PCDHGB3: variants seen among roughly 807,000 people sequenced by gnomAD.
PCDHGB3 encodes the protein protocadherin gamma subfamily B, 3.
PCDHGB3 carries 40 observed loss-of-function variants against 59.2 expected under a neutral mutation model. That is an observed-to-expected ratio of 0.68 (90% CI 0.52 to 0.88). The LOEUF (loss-of-function observed/expected upper bound fraction) is 0.88, where lower values mean the gene tolerates loss of function less well. Among genes scored for constraint, PCDHGB3 ranks in the 40% least tolerant of loss-of-function variants. The pLI, the probability that PCDHGB3 is intolerant of heterozygous loss-of-function variation, is 0.00. For missense variants in PCDHGB3, 1,309 were observed against 1,187.9 expected (o/e 1.10, Z -1.50); for synonymous variants, 581 against 503.6 (o/e 1.15, Z -2.06).
At chr5:141,427,780 T>C (rs2097069858) in intron 1 of PCDHGB3, 1 of 1,456,004 alleles carries the variant, frequency 6.9e-7, no homozygotes. Flanking sequence ...CTGCGGGCAC[T>C]GTCGTCCTAC....
At chr5:141,380,058 C>T (rs1231461261) in intron 1 of PCDHGB3, among the ~76,000 whole-genome samples, 2 of 151,888 alleles carry the variant, frequency 1.3e-5, no homozygotes, top group Admixed American at 1.3e-4. Context: ...TGCCACCATG[C>T]CTAGCTAATT....
At chr5:141,482,356 G>T (rs1330274684) in intron 1 of PCDHGB3, among the ~76,000 whole-genome samples, 1 of 152,236 alleles carries the variant, frequency 6.6e-6, no homozygotes, top group East Asian at 1.9e-4. Flanking sequence ...TGTTGTGAGA[G>T]TGAAAAGTAA....
intron 1 of PCDHGB3, chr5:141,382,631 T>G: frequency 2.7e-6 from 1 of 365,186 alleles, no homozygotes; most frequent in South Asian, 9.0e-5. Flanking sequence ...TGTGCATCAA[T>G]GTGGTGCAGT....
At chr5:141,453,185 C>T (rs2098757478) in intron 1 of PCDHGB3, among the ~76,000 whole-genome samples, 1 of 152,146 alleles carries the variant, frequency 6.6e-6, no homozygotes, top group South Asian at 2.1e-4. Flanking sequence ...ACAATCACAG[C>T]TCACTGCAGC....
chr5:141,434,714 G>A (rs1333237898), intron 1 of PCDHGB3, among the ~76,000 whole-genome samples: 1 of 151,564 alleles, frequency 6.6e-6, no homozygotes, highest in Non-Finnish European at 1.5e-5. Context: ...GTAAATCTCT[G>A]TTCAGGGCTC....
intron 1 of PCDHGB3, chr5:141,410,715 G>A: frequency 1.4e-6 from 2 of 1,422,782 alleles, no homozygotes; most frequent in Non-Finnish European, 1.9e-6. Context: ...AGAATCATAT[G>A]TTTAAAATCC....
intron 1 of PCDHGB3, among the ~76,000 whole-genome samples, chr5:141,475,237 G>C (rs2099360785): frequency 6.6e-6 from 1 of 152,234 alleles, no homozygotes. Flanking sequence ...AAACGATAGA[G>C]AGAGTGTGCT....
Position 141,461,919 on chromosome 5 carries a change from G to T in PCDHGB3, c.2416-32888G>T, listed in dbSNP as rs10060711. On this transcript the variant is annotated intron_variant, in intron 1 of 3. Transcript: ENST00000576222. Reference sequence around the variant, plus strand: ...GCTCACTGCAACCTCTGCCTCCTGGGTTCCAGCAATTCTCCTGCCTCAACC... The same window carrying T: ...GCTCACTGCAACCTCTGCCTCCTGGTTTCCAGCAATTCTCCTGCCTCAACC... 5.4e-3 allele frequency among the ~76,000 whole-genome samples: 815 copies of T among 152,214 alleles called. 11 individuals are homozygous for T. Among genetic ancestry groups the T allele is most frequent in the African/African-American group, 0.019 (780 of 41,542 alleles).
chr5:141,474,551 C>G (rs1032524620), intron 1 of PCDHGB3, among the ~76,000 whole-genome samples: 35 of 152,312 alleles, frequency 2.3e-4, no homozygotes, highest in Non-Finnish European at 3.5e-4. Flanking sequence ...GCATTTAAAA[C>G]TGGGGGTTTT....
At chr5:141,398,149 C>T (rs761559295) in intron 1 of PCDHGB3, 29 of 1,497,086 alleles carry the variant, frequency 1.9e-5, no homozygotes, top group Non-Finnish European at 2.6e-5. Context: ...CGCCGGGGAG[C>T]TGGGCCGGGC....
intron 1 of PCDHGB3, chr5:141,413,354 C>T: frequency 6.2e-7 from 1 of 1,613,974 alleles, no homozygotes; most frequent in South Asian, 1.1e-5. Flanking sequence ...GGTCTGGCGC[C>T]CCGGGAGCTG....
At position 141,489,800 on chromosome 5, in the gene PCDHGB3, A is replaced by T. The variant is rs2099692478; in HGVS notation, c.2416-5007A>T. 1 of 1,614,166 alleles carries T rather than the reference A, an allele frequency of 6.2e-7. No homozygotes were observed. Among genetic ancestry groups the T allele is most frequent in the Non-Finnish European group, 8.5e-7 (1 of 1,179,994 alleles). On this transcript the variant is annotated intron_variant, in intron 1 of 3. Coordinates refer to ENST00000576222, the MANE Select transcript of PCDHGB3 (RefSeq NM_018924.5). This position sits in a 1 kb window ranked among gnomAD's most constrained non-coding sequence, Gnocchi z 4.5. ...TCTCTGAATGTGAAGACCCTAAAAG[A>T]TGGGAAGCCATTCCCAGAGCTGGTG...
At chr5:141,418,604 G>A in intron 1 of PCDHGB3, 2 of 1,614,040 alleles carry the variant, frequency 1.2e-6, no homozygotes, top group Non-Finnish European at 1.7e-6. Context: ...CGTGTACAGG[G>A]TTAGCCTTCG....
chr5:141,472,980 C>CAAAAAAAAAAAAAAAAAAAAA (rs60579131), intron 1 of PCDHGB3, among the ~76,000 whole-genome samples: 3 of 86,094 alleles, frequency 3.5e-5, no homozygotes, highest in Non-Finnish European at 5.0e-5. Context: ...GAGTGAAACT[C>CAAAAAAAAAAAAAAAAAAAAA]AAAAAAAAAA....
At chr5:141,417,882 G>A (rs1170069976) in intron 1 of PCDHGB3, 8 of 1,560,746 alleles carry the variant, frequency 5.1e-6, no homozygotes, top group African/African-American at 1.4e-5. Flanking sequence ...TGCGCGCAGA[G>A]GCGCCGGGCC....
chr5:141,508,904 T>C (rs1421450229), intron 3 of PCDHGB3, among the ~76,000 whole-genome samples: 2 of 151,336 alleles, frequency 1.3e-5, no homozygotes, highest in African/African-American at 4.9e-5. Context: ...GGCGGGGCGG[T>C]GGCGGATCTG....
intron 1 of PCDHGB3, among the ~76,000 whole-genome samples, chr5:141,492,781 T>C (rs945023154): frequency 9.9e-5 from 15 of 152,194 alleles, no homozygotes; most frequent in African/African-American, 3.6e-4. Flanking sequence ...TGAGTGAGCC[T>C]CTATAGGACA....
At chr5:141,389,896 C>T (rs1398944326) in intron 1 of PCDHGB3, 1 of 1,614,076 alleles carries the variant, frequency 6.2e-7, no homozygotes, top group Non-Finnish European at 8.5e-7. Flanking sequence ...GAGGTGCTGC[C>T]GGATATCACT....
chr5:141,465,688 G>C (rs1386213425), intron 1 of PCDHGB3, among the ~76,000 whole-genome samples: 1 of 152,086 alleles, frequency 6.6e-6, no homozygotes, highest in African/African-American at 2.4e-5. Context: ...TGACCAGTCT[G>C]CTTTTGCATT....
Sources: gnomAD v4.1 joint callset for allele counts (sites outside exome capture counted in the v4.1 genomes callset) on GRCh38, gnomAD v4.1.1 for gene constraint, Gnocchi (gnomAD v3.1) non-coding constraint, MANE v1.5 for transcripts, NCBI Gene and HGNC (gene_info 2026-07-23, HGNC 2026-07-21) for gene names.